NALF1: variants seen among roughly 807,000 people sequenced by gnomAD.
NALF1 encodes the protein family with sequence similarity 155 member A.
A neutral mutation model predicts 48.4 loss-of-function variants in NALF1; 3 were observed. The ratio of observed to expected loss-of-function variants is 0.06; its 90% CI spans 0.03 to 0.16. The LOEUF (loss-of-function observed/expected upper bound fraction) is 0.16. NALF1 is among the 10% of genes least tolerant of loss of function. The probability of loss-of-function intolerance (pLI) is 1.00; values close to 1 mark genes in which losing one functional copy is unlikely to be tolerated. For synonymous variants in NALF1, 262 were observed against 245.7 expected (o/e 1.07, Z -0.62); for missense variants, 526 against 571.5 (o/e 0.92, Z 0.81).
intron 1 of NALF1, among the ~76,000 whole-genome samples, chr13:107,747,196 G>A (rs1192209588): frequency 2.0e-5 from 3 of 152,144 alleles, no homozygotes; most frequent in African/African-American, 7.2e-5. Context: ...TTTCCATCTT[G>A]AGCCCTGTTT....
chr13:107,583,450 T>C lies in NALF1; in HGVS notation c.915+282232A>G, dbSNP rs547246583. 1.3e-4 allele frequency among the ~76,000 whole-genome samples: 20 copies of C among 152,300 alleles called. No individual in the cohort carries two copies. In the South Asian group the frequency reaches 4.1e-3, roughly 32 times the overall value. ...AAGAGGCATGACCTCTGCTTTCATA[T>C]TTTAAATATTTTTATGTCTTTTGGA... is the stretch of plus-strand genomic sequence containing the variant. On this transcript the variant is annotated intron_variant, in intron 1 of 2. Coordinates refer to ENST00000375915, the MANE Select transcript of NALF1 (RefSeq NM_001080396.3).
intron 1 of NALF1, among the ~76,000 whole-genome samples, chr13:107,360,533 T>C (rs948103163): frequency 3.9e-5 from 6 of 152,142 alleles, no homozygotes; most frequent in African/African-American, 1.2e-4. Context: ...GAATAATAAA[T>C]GAGCCCTCAC....
intron 1 of NALF1, among the ~76,000 whole-genome samples, chr13:107,555,410 C>T (rs2391459): frequency 0.33 from 48,924 of 146,176 alleles, 8,572 homozygotes; most frequent in East Asian, 0.47. Context: ...GTAGCTGGGA[C>T]TACAGGTTCC....
intron 1 of NALF1, among the ~76,000 whole-genome samples, chr13:107,695,395 G>A (rs528954698): frequency 2.0e-4 from 31 of 152,092 alleles, no homozygotes; most frequent in African/African-American, 6.7e-4. Flanking sequence ...TAAGTCGACC[G>A]TAAGGTTATA....
chr13:107,185,965 C>A (rs1879162001), intron 2 of NALF1, among the ~76,000 whole-genome samples: 1 of 152,090 alleles, frequency 6.6e-6, no homozygotes, highest in Non-Finnish European at 1.5e-5. Flanking sequence ...ATGCAAAATT[C>A]CAGAAATAAA....
intron 1 of NALF1, among the ~76,000 whole-genome samples, chr13:107,830,407 T>C (rs1885902): frequency 0.062 from 9,487 of 152,254 alleles, 748 homozygotes; most frequent in African/African-American, 0.18. Flanking sequence ...CCACCAACAA[T>C]GCACAAGGGT....
intron 1 of NALF1, among the ~76,000 whole-genome samples, chr13:107,405,193 G>T (rs1883878039): frequency 6.6e-6 from 1 of 151,982 alleles, no homozygotes; most frequent in Non-Finnish European, 1.5e-5. Flanking sequence ...CCATGTCTGA[G>T]CTCTCACAGC....
intron 1 of NALF1, among the ~76,000 whole-genome samples, chr13:107,579,396 A>T (rs1878237885): frequency 6.6e-6 from 1 of 152,134 alleles, no homozygotes; most frequent in Admixed American, 6.6e-5. Context: ...TGGCCATAAT[A>T]TTCATTTTCA....
rs1269887337 is a variant in NALF1 at position 107,867,271 on chromosome 13, T to TCCCCCCC, written c.-682_-676dup. 4.8e-5 allele frequency among the ~76,000 whole-genome samples: 2 copies of TCCCCCCC among 41,832 alleles called. No homozygotes were observed. The highest frequency in any genetic ancestry group is 2.4e-3 in the South Asian group (2 of 818). The allele number at this position is 41,832 out of a possible 152,430, so 27.4% of individuals were successfully genotyped here. A position where few individuals can be genotyped will look rare whatever the true frequency, so the allele number is the denominator to read the frequency against. On this transcript the variant is annotated 5_prime_UTR_variant, in exon 1 of 3. Coordinates refer to ENST00000375915, the MANE Select transcript of NALF1 (RefSeq NM_001080396.3). The surrounding 1 kb of genome is among the most constrained non-coding windows in gnomAD (Gnocchi z 4.4). ...GGGCTGCCTCCGGCGGGGCGCTCCC[T>TCCCCCCC]CCCCCCCACCCCCCACCCCGCGCTC...
At chr13:107,648,664 T>A (rs2138465600) in intron 1 of NALF1, among the ~76,000 whole-genome samples, 1 of 152,304 alleles carries the variant, frequency 6.6e-6, no homozygotes, top group East Asian at 1.9e-4. Context: ...GGTTTTTGTG[T>A]GAGTATAAAT....
At chr13:107,745,093 G>A (rs540436853) in intron 1 of NALF1, among the ~76,000 whole-genome samples, 2 of 152,282 alleles carry the variant, frequency 1.3e-5, no homozygotes, top group South Asian at 4.1e-4. Context: ...TCCAGTCCAC[G>A]GTGAGGAAGG....
intron 1 of NALF1, among the ~76,000 whole-genome samples, chr13:107,385,776 G>A (rs1291859811): frequency 1.3e-5 from 2 of 151,948 alleles, no homozygotes; most frequent in South Asian, 4.2e-4. Context: ...GAACAAATTC[G>A]ATATTTCTAC....
chr13:107,244,760 T>C (rs914826178), intron 1 of NALF1, among the ~76,000 whole-genome samples: 4 of 152,210 alleles, frequency 2.6e-5, no homozygotes, highest in African/African-American at 7.2e-5. Context: ...TGAGAAACCA[T>C]TTTACACATT....
intron 1 of NALF1, among the ~76,000 whole-genome samples, chr13:107,839,665 A>T (rs562013900): frequency 6.7e-6 from 1 of 148,786 alleles, no homozygotes; most frequent in African/African-American, 2.4e-5. Flanking sequence ...AGAGTGGGGA[A>T]AATGTGGTCC....
At chr13:107,409,901 C>T (rs1338040159) in intron 1 of NALF1, among the ~76,000 whole-genome samples, 2 of 152,134 alleles carry the variant, frequency 1.3e-5, no homozygotes, top group Admixed American at 1.3e-4. Context: ...GTGCCCCAGC[C>T]CATAGCTGCA....
chr13:107,443,193 T>G (rs573222947), intron 1 of NALF1, among the ~76,000 whole-genome samples: 80 of 150,404 alleles, frequency 5.3e-4, no homozygotes, highest in Non-Finnish European at 8.5e-4. Context: ...TCTATCTATC[T>G]ATCTATCTAT....
At chr13:107,396,955 T>C (rs991790656) in intron 1 of NALF1, among the ~76,000 whole-genome samples, 2 of 152,228 alleles carry the variant, frequency 1.3e-5, no homozygotes, top group African/African-American at 4.8e-5. Context: ...TACATTTAAA[T>C]AGTACAAAAT....
At chr13:107,292,364 AT>A (rs1881638523) in intron 1 of NALF1, among the ~76,000 whole-genome samples, 1 of 152,198 alleles carries the variant, frequency 6.6e-6, no homozygotes, top group South Asian at 2.1e-4. Flanking sequence ...CTGTACACTA[AT>A]TTTTTTAAAC....
chr13:107,529,297 G>C (rs548042093), intron 1 of NALF1, among the ~76,000 whole-genome samples: 1 of 152,196 alleles, frequency 6.6e-6, no homozygotes, highest in Non-Finnish European at 1.5e-5. Flanking sequence ...CATAGCTCTG[G>C]TATTAACAAG....
Sources: allele counts gnomAD v4.1 joint callset (sites outside exome capture counted in the v4.1 genomes callset), GRCh38; gene constraint gnomAD v4.1.1; non-coding constraint Gnocchi (gnomAD v3.1); transcripts MANE v1.5; gene names NCBI Gene and HGNC (gene_info 2026-07-23, HGNC 2026-07-21).